SRGAP2: variants seen among roughly 807,000 people sequenced by gnomAD.
SRGAP2 encodes the protein SLIT-ROBO Rho GTPase-activating protein 2.
SRGAP2 carries 15 observed loss-of-function variants against 57.2 expected under a neutral mutation model. That is an observed-to-expected ratio of 0.26 (90% CI 0.18 to 0.40). The LOEUF (loss-of-function observed/expected upper bound fraction) is 0.40. SRGAP2 is among the 10% of genes least tolerant of loss of function. The probability of loss-of-function intolerance (pLI) is 1.00; values close to 1 mark genes in which losing one functional copy is unlikely to be tolerated. For missense variants in SRGAP2, 520 were observed against 669.6 expected, an observed-to-expected ratio of 0.78 and a Z score of 2.47; for synonymous variants, 249 against 248.0, an observed-to-expected ratio of 1.00 and a Z score of -0.04.
chr1:206,460,828 GA>G (rs34842494), intron 22 of SRGAP2, among the ~76,000 whole-genome samples: 141,275 of 151,490 alleles, frequency 0.93, 65,920 homozygotes, highest in East Asian at 1. Flanking sequence ...TTTTCTAAAG[GA>G]AAAAAAAAAA....
intron 8 of SRGAP2, among the ~76,000 whole-genome samples, chr1:206,402,498 G>A (rs1274441200): frequency 6.6e-6 from 1 of 152,208 alleles, no homozygotes; most frequent in East Asian, 1.9e-4. Flanking sequence ...TCTCCTACTG[G>A]TGAAATTAGA....
chr1:206,325,784 T>C (rs1183565187), intron 3 of SRGAP2, among the ~76,000 whole-genome samples: 12 of 152,186 alleles, frequency 7.9e-5, no homozygotes, highest in African/African-American at 2.9e-4. Flanking sequence ...TTAAGAGCAT[T>C]GTTTTTTAAA....
chr1:206,426,298 A>G (rs1234986210), intron 13 of SRGAP2, among the ~76,000 whole-genome samples: 1 of 152,236 alleles, frequency 6.6e-6, no homozygotes, highest in East Asian at 1.9e-4. Flanking sequence ...GCTGCAAGTG[A>G]CAGAATTTTA....
At chr1:206,458,384 G>C (rs1553379156) in intron 21 of SRGAP2, 2 of 687,296 alleles carry the variant, frequency 2.9e-6, no homozygotes, top group Non-Finnish European at 5.5e-6. Flanking sequence ...CTTACATCTT[G>C]ACAACACAAA....
intron 2 of SRGAP2, among the ~76,000 whole-genome samples, chr1:206,256,857 G>C (rs542056365): frequency 3.6e-4 from 55 of 152,098 alleles, no homozygotes; most frequent in Admixed American, 5.2e-4. Context: ...CCTTTAAATT[G>C]GGTACTTATT....
chr1:206,386,226 A>T (rs1351182569), intron 5 of SRGAP2, among the ~76,000 whole-genome samples: 1 of 152,196 alleles, frequency 6.6e-6, no homozygotes, highest in Non-Finnish European at 1.5e-5. Context: ...CTGACCCACA[A>T]TGTCAATACA....
chr1:206,460,488 C>T (rs372772743), intron 22 of SRGAP2, among the ~76,000 whole-genome samples: 43 of 151,940 alleles, frequency 2.8e-4, no homozygotes, highest in African/African-American at 8.9e-4. Context: ...GGAGGAGGGG[C>T]GGGGGGAGGC....
intron 2 of SRGAP2, among the ~76,000 whole-genome samples, chr1:206,257,597 AT>A (rs1256201287): frequency 7.0e-6 from 1 of 142,596 alleles, no homozygotes; most frequent in African/African-American, 2.6e-5. Flanking sequence ...GATAATAGAT[AT>A]TTACTGAGCC....
intron 10 of SRGAP2, among the ~76,000 whole-genome samples, chr1:206,411,728 A>G (rs1342357012): frequency 1.3e-5 from 2 of 152,258 alleles, no homozygotes; most frequent in East Asian, 1.9e-4. Context: ...TTATACCCCC[A>G]TGGTAAGAGT....
intron 2 of SRGAP2, among the ~76,000 whole-genome samples, chr1:206,282,062 G>A (rs1286628077): frequency 2.8e-5 from 3 of 105,496 alleles, no homozygotes; most frequent in Non-Finnish European, 5.6e-5. Context: ...AGCAAGTCAT[G>A]TAGTGTGTTC....
intron 2 of SRGAP2, among the ~76,000 whole-genome samples, chr1:206,240,909 C>T (rs1237179178): frequency 1.1e-4 from 16 of 152,146 alleles, no homozygotes; most frequent in South Asian, 6.3e-4. Flanking sequence ...TTTGGGTTGG[C>T]GCTGTGGCTC....
At chr1:206,260,419 A>T (rs1408634710) in intron 2 of SRGAP2, among the ~76,000 whole-genome samples, 1 of 152,138 alleles carries the variant, frequency 6.6e-6, no homozygotes, top group Non-Finnish European at 1.5e-5. Context: ...GACGAGTATT[A>T]TTTCCACTCC....
In SRGAP2 at chr1:206,446,432, TG is replaced by T. The variant is rs1182498621; in HGVS notation, c.2099+137del. ...TCCTCACTCCCAGGCTGCTAGGGTC[TG>T]GGGATGCTATAGGCAGCCCCCACCT... On this transcript the variant is annotated intron_variant, in intron 18 of 22. Coordinates refer to ENST00000573034, the MANE Select transcript of SRGAP2 (RefSeq NM_015326.5). 9.1e-6 allele frequency: 6 copies of T among 661,630 alleles called. No homozygotes were observed. In the African/African-American group the frequency reaches 1.1e-4, roughly 12 times the overall value. The allele number at this position is 661,630 out of a possible 1,614,324, so 41.0% of individuals were successfully genotyped here. A position where few individuals can be genotyped will look rare whatever the true frequency, so the allele number is the denominator to read the frequency against.
intron 2 of SRGAP2, among the ~76,000 whole-genome samples, chr1:206,260,028 G>T (rs1669449926): frequency 2.3e-5 from 1 of 42,720 alleles, no homozygotes; most frequent in Non-Finnish European, 4.7e-5. Context: ...AGTAGGGAAG[G>T]AGGACCACTC....
In SRGAP2 at chr1:206,372,947, CTTT is replaced by C. The variant is rs1306666140; in HGVS notation, c.424-11066_424-11064del. Among the ~76,000 whole-genome samples, 16 of 11,044 alleles carry C rather than the reference CTTT, an allele frequency of 1.4e-3. 4 individuals are homozygous for C. Among genetic ancestry groups the C allele is most frequent in the East Asian group, 0.048 (2 of 42 alleles). The allele number at this position is 11,044 out of a possible 152,430, so 7.2% of individuals were successfully genotyped here. A position where few individuals can be genotyped will look rare whatever the true frequency, so the allele number is the denominator to read the frequency against. The stretch of plus-strand genomic sequence containing the variant: ...TCTTTCTTTCTTTCTTTCTTTCTTT[CTTT>C]CTTTCTTTTCTTTCCTTTCTTTCTT... On this transcript the variant is annotated intron_variant, in intron 4 of 22. Transcript: ENST00000573034.
At chr1:206,208,994 A>G (rs1440819360) in intron 2 of SRGAP2, among the ~76,000 whole-genome samples, 1 of 148,550 alleles carries the variant, frequency 6.7e-6, no homozygotes, top group Non-Finnish European at 1.5e-5. Flanking sequence ...GTTGTTGATG[A>G]GATATATAAA....
At chr1:206,280,011 A>G (rs1379148831) in intron 2 of SRGAP2, among the ~76,000 whole-genome samples, 25 of 150,614 alleles carry the variant, frequency 1.7e-4, no homozygotes, top group Non-Finnish European at 3.0e-4. Context: ...CGACCTCCTT[A>G]CAAGTCTTTG....
intron 10 of SRGAP2, among the ~76,000 whole-genome samples, chr1:206,415,219 A>G (rs1424847963): frequency 1.3e-5 from 2 of 152,240 alleles, no homozygotes; most frequent in Non-Finnish European, 2.9e-5. Flanking sequence ...AGTGCAGCAC[A>G]GCAATCATAT....
intron 7 of SRGAP2, among the ~76,000 whole-genome samples, chr1:206,395,624 C>T (rs1316218844): frequency 6.6e-6 from 1 of 151,844 alleles, no homozygotes; most frequent in East Asian, 1.9e-4. Context: ...GTCTGCCACA[C>T]CACTGCTATT....
Sources: gnomAD v4.1 joint callset for allele counts (sites outside exome capture counted in the v4.1 genomes callset) on GRCh38, gnomAD v4.1.1 for gene constraint, MANE v1.5 for transcripts, NCBI Gene and HGNC (gene_info 2026-07-23, HGNC 2026-07-21) for gene names.